The following HGF variants were observed in gnomAD, a reference collection of about 807,000 sequenced individuals.
HGF encodes the protein fibroblast-derived tumor cytotoxic factor.
Under a neutral mutation model 111.6 loss-of-function variants are expected in HGF, and 39 were observed. That is an observed-to-expected ratio of 0.35 (90% CI 0.27 to 0.46). The LOEUF (loss-of-function observed/expected upper bound fraction) is 0.46. HGF is among the 20% of genes least tolerant of loss of function. The pLI is 1.00. For synonymous variants in HGF, 285 were observed against 294.8 expected (o/e 0.97, Z 0.34); for missense variants, 735 against 910.5 (o/e 0.81, Z 2.48).
intron 8 of HGF, among the ~76,000 whole-genome samples, chr7:81,727,826 A>T (rs1790060019): frequency 6.6e-6 from 1 of 152,176 alleles, no homozygotes; most frequent in African/African-American, 2.4e-5. Context: ...ACTGACTTTA[A>T]CATCTGTATT....
chr7:81,752,156 G>A lies in HGF; in HGVS notation c.589C>T (p.Arg197Cys), dbSNP rs777593933. 6.2e-7 allele frequency: 1 copy of A among 1,613,454 alleles called. No individual in the cohort carries two copies. The highest frequency in any genetic ancestry group is 1.1e-5 in the South Asian group (1 of 91,054). The change falls in exon 5 of 18, where the codon CGC (arginine) becomes TGC (cysteine). Residue 197 changes from arginine to cysteine, a missense_variant. Arg to Cys is a radical substitution (Grantham distance 180). Coordinates refer to ENST00000222390, the MANE Select transcript of HGF (RefSeq NM_000601.6). Reference sequence around the variant, plus strand: ...TGAGGAATGTCACAGACTTCGTAGCGTACCTCTGGATTGCTTGTGAAACAC... The same window carrying A: ...TGAGGAATGTCACAGACTTCGTAGCATACCTCTGGATTGCTTGTGAAACAC... ...PWCFTSNPEV[R>C]YEVCDIPQCS...
chr7:81,717,177 G>GT, intron 11 of HGF, 55 bp downstream of exon 11: 1 of 1,545,544 alleles, frequency 6.5e-7, no homozygotes, highest in Admixed American at 1.7e-5. Flanking sequence ...ACTTTTAGAT[G>GT]AAATGTAGTA....
At chr7:81,750,033 G>A (rs1788427298) in intron 5 of HGF, among the ~76,000 whole-genome samples, 1 of 151,890 alleles carries the variant, frequency 6.6e-6, no homozygotes, top group Non-Finnish European at 1.5e-5. Context: ...TGTATCCATG[G>A]ATAGAAATGG....
At position 81,733,839 on chromosome 7, in the gene HGF, C is replaced by G. The variant is rs753015244; in HGVS notation, c.866-4060G>C. 3.4e-4 allele frequency among the ~76,000 whole-genome samples: 51 copies of G among 152,194 alleles called. No homozygotes were observed. In the Middle Eastern group the frequency reaches 0.014, roughly 41 times the overall value. On this transcript the variant is annotated intron_variant, in intron 7 of 17. Coordinates refer to ENST00000222390, the MANE Select transcript of HGF (RefSeq NM_000601.6). ...ATGTTTGATCTTTGCTGCTCACATA[C>G]TTACTATTCAAACAAAATTAATTAT...
rs755416276 is a variant in HGF, at chr7:81,717,362, A to G, written c.1275T>C (p.His425=). The G allele has an allele frequency of 6.8e-6, 11 of 1,613,422 alleles. No homozygotes were observed. The highest frequency in any genetic ancestry group is 1.6e-4 in the Middle Eastern group (1 of 6,078). ...TACTTGCATCTGGTTCCCAGAAGATATGACTGTGGAAACAACAGGCCTTGC... is the reference window on the plus strand; with the variant it reads ...TACTTGCATCTGGTTCCCAGAAGATGTGACTGTGGAAACAACAGGCCTTGC... The part of the protein sequence containing the change: ...WDKNMEDLHR[H]IFWEPDASKL... Residue 425 remains histidine, a synonymous_variant, in exon 11 of 18, where the codon CAT becomes CAC. Transcript: ENST00000222390.
intron 8 of HGF, among the ~76,000 whole-genome samples, chr7:81,727,342 CG>C (rs1358962109): frequency 6.6e-6 from 1 of 151,858 alleles, no homozygotes; most frequent in African/African-American, 2.4e-5. Flanking sequence ...CGCACCCGGC[CG>C]AAACTGAGAA....
At chr7:81,727,358 T>A (rs575231132) in intron 8 of HGF, among the ~76,000 whole-genome samples, 1 of 152,198 alleles carries the variant, frequency 6.6e-6, no homozygotes, top group South Asian at 2.1e-4. Context: ...TGAGAAATTT[T>A]TAAGGAAGAA....
rs114593298 is a variant in HGF at position 81,746,376 on chromosome 7, G to C, written c.626-1256C>G. ...GGAGTCCATGAGCATATCAATAAAG[G>C]TGCTCAGGTTGGCCAGGGTCATAGC... On this transcript the variant is annotated intron_variant, in intron 5 of 17. Coordinates refer to ENST00000222390, the MANE Select transcript of HGF (RefSeq NM_000601.6). Among the ~76,000 whole-genome samples, 897 of 152,220 alleles carry C rather than the reference G, an allele frequency of 5.9e-3. 8 individuals are homozygous for C. The highest frequency in any genetic ancestry group is 0.02 in the African/African-American group (850 of 41,524).
intron 9 of HGF, among the ~76,000 whole-genome samples, chr7:81,725,628 A>G (rs1287059249): frequency 6.6e-6 from 1 of 152,158 alleles, no homozygotes; most frequent in East Asian, 1.9e-4. Context: ...TATTAGCTCC[A>G]GGGGGTCAGA....
chr7:81,711,055 T>C (rs1789558762), intron 12 of HGF, among the ~76,000 whole-genome samples: 1 of 152,208 alleles, frequency 6.6e-6, no homozygotes, highest in South Asian at 2.1e-4. Context: ...CACTTGACTG[T>C]AGGGCATGCA....
chr7:81,725,269 C>T (rs1789976266), intron 9 of HGF, among the ~76,000 whole-genome samples: 1 of 152,204 alleles, frequency 6.6e-6, no homozygotes, highest in African/African-American at 2.4e-5. Context: ...TCATCTCCTA[C>T]TACTCTTCAT....
At chr7:81,748,453 A>G (rs1195734047) in intron 5 of HGF, among the ~76,000 whole-genome samples, 1 of 152,202 alleles carries the variant, frequency 6.6e-6, no homozygotes, top group Admixed American at 6.5e-5. Flanking sequence ...AGAAAGCCAA[A>G]TTTTTAACTC....
chr7:81,741,573 GTGTGTGTGTC>G (rs1261648693), intron 7 of HGF, among the ~76,000 whole-genome samples: 11 of 149,190 alleles, frequency 7.4e-5, no homozygotes, highest in African/African-American at 2.5e-4. Flanking sequence ...GTGTATGTGT[GTGTGTGTGTC>G]TGTGTGTGTG....
chr7:81,741,286 A>ATT (rs139203971), intron 7 of HGF, among the ~76,000 whole-genome samples: 2 of 152,170 alleles, frequency 1.3e-5, no homozygotes, highest in African/African-American at 4.8e-5. Flanking sequence ...TTCTGGTATC[A>ATT]TTTTTTTAGA....
Position 81,701,984 on chromosome 7 carries a change from A to G in HGF, c.*597T>C, listed in dbSNP as rs140696262. 8 of 172,596 alleles carry G rather than the reference A, an allele frequency of 4.6e-5. 1 individual carries two copies. Among genetic ancestry groups the G allele is most frequent in the African/African-American group, 1.9e-4 (8 of 42,274 alleles). 10.7% of individuals were successfully genotyped at this position (172,596 alleles called of 1,614,324 possible). A position where few individuals can be genotyped will look rare whatever the true frequency, so the allele number is the denominator to read the frequency against. On this transcript the variant is annotated 3_prime_UTR_variant, in exon 18 of 18. Transcript: ENST00000222390. Reference sequence around the variant, plus strand: ...AAAATATTTAGGGGTTACATTAGGTACACCATAATTTAAACTGTAGTGCAT... The same window carrying G: ...AAAATATTTAGGGGTTACATTAGGTGCACCATAATTTAAACTGTAGTGCAT...
intron 8 of HGF, among the ~76,000 whole-genome samples, chr7:81,729,312 A>G (rs1035049169): frequency 8.5e-5 from 13 of 152,148 alleles, no homozygotes; most frequent in African/African-American, 3.1e-4. Context: ...CAGACCCAGA[A>G]GAGCAAAACT....
At chr7:81,761,991 A>G (rs1789107896) in intron 2 of HGF, among the ~76,000 whole-genome samples, 1 of 152,126 alleles carries the variant, frequency 6.6e-6, no homozygotes, top group South Asian at 2.1e-4. Context: ...AGTAATGCTC[A>G]CTGGCCTGCA....
chr7:81,756,300 G>A (rs759966590), intron 4 of HGF: 4 of 491,054 alleles, frequency 8.1e-6, no homozygotes, highest in Non-Finnish European at 1.4e-5. Context: ...ACAAGTAAAT[G>A]AGATTAACAA....
At chr7:81,706,154 C>T in intron 15 of HGF, 133 bp downstream of exon 15, 1 of 792,782 alleles carries the variant, frequency 1.3e-6, no homozygotes, top group Non-Finnish European at 2.2e-6. Flanking sequence ...CGCATATATA[C>T]ATATATATAC....
Sources: allele counts gnomAD v4.1 joint callset (sites outside exome capture counted in the v4.1 genomes callset), GRCh38; gene constraint gnomAD v4.1.1; transcripts MANE v1.5; gene names NCBI Gene and HGNC (gene_info 2026-07-23, HGNC 2026-07-21).